APOOL: variants seen among roughly 807,000 people sequenced by gnomAD.
APOOL encodes the protein apolipoprotein O like.
In APOOL, 12 loss-of-function variants were observed where a neutral mutation model predicts 23.1. The observed-to-expected ratio is 0.52, with a 90% CI of 0.33 to 0.84. The LOEUF (loss-of-function observed/expected upper bound fraction) is 0.84. Among genes scored for constraint, APOOL ranks in the 40% least tolerant of loss-of-function variants. APOOL has a pLI of 0.02. For synonymous variants in APOOL, 77 were observed against 69.9 expected (o/e 1.10, Z -0.51); for missense variants, 212 against 199.6 (o/e 1.06, Z -0.37).
chrX:85,012,897 G>C (rs1921338161), intron 1 of APOOL, among the ~76,000 whole-genome samples: 1 of 111,555 alleles, frequency 9.0e-6, no homozygotes, highest in Non-Finnish European at 1.9e-5. Context: ...TTTATTTTTT[G>C]TAATAGTTTC....
rs1019709304 is a variant in APOOL at position 85,092,020 on chromosome X, A to G, written c.*4342A>G. 1 of 130,657 alleles carries G rather than the reference A, an allele frequency of 7.7e-6. No individual in the cohort carries two copies. The allele number at this position is 130,657 out of a possible 1,213,427, so 10.8% of individuals were successfully genotyped here. A position where few individuals can be genotyped will look rare whatever the true frequency, so the allele number is the denominator to read the frequency against. ...AGCAACATAGCAAGATCCTGCCTCT[A>G]AAAACAAACAAACAAAAAATGCTGC... On this transcript the variant is annotated 3_prime_UTR_variant, in exon 9 of 9. Transcript: ENST00000373173.
intron 4 of APOOL, among the ~76,000 whole-genome samples, chrX:85,054,599 C>A (rs1922898454): frequency 9.0e-6 from 1 of 110,654 alleles, no homozygotes; most frequent in South Asian, 3.8e-4. Context: ...CATTATTCAG[C>A]AGTTATTATT....
intron 1 of APOOL, among the ~76,000 whole-genome samples, chrX:85,034,666 G>A (rs1028303411): frequency 1.8e-5 from 2 of 111,517 alleles, no homozygotes; most frequent in East Asian, 2.8e-4. Context: ...CTATATGTCC[G>A]TGTGTACCAA....
chrX:85,068,889 A>T (rs1162627275), intron 6 of APOOL, among the ~76,000 whole-genome samples: 1 of 111,929 alleles, frequency 8.9e-6, no homozygotes, highest in South Asian at 3.7e-4. Context: ...ACATCTTCAC[A>T]TGCATACACA....
chrX:85,092,529 G>A lies in APOOL; in HGVS notation c.*4851G>A, dbSNP rs752447807. On this transcript the variant is annotated 3_prime_UTR_variant, in exon 9 of 9. Coordinates refer to ENST00000373173, the MANE Select transcript of APOOL (RefSeq NM_198450.6). ...CCTGGTTCCAAATGACGACAAGAAA[G>A]TGCATGCAGTTACATTGAGTTGTGA... The A allele has an allele frequency of 4.1e-6, 5 of 1,208,239 alleles. No homozygotes were observed. The African/African-American group carries it at 8.7e-5, about 21-fold the overall frequency.
At chrX:85,051,310 G>A in intron 2 of APOOL, 79 bp from the exon 3 acceptor site, 2 of 1,079,519 alleles carry the variant, frequency 1.9e-6, no homozygotes, top group Non-Finnish European at 2.5e-6. Context: ...AGGCTGATGA[G>A]GATTCCTGTT....
chrX:85,044,623 A>G (rs1389187311), intron 1 of APOOL, among the ~76,000 whole-genome samples: 1 of 110,968 alleles, frequency 9.0e-6, no homozygotes, highest in Non-Finnish European at 1.9e-5. Flanking sequence ...CTGCCTCCTC[A>G]ATAAAAGTCA....
rs1879555181 is a variant in APOOL, at chrX:85,051,241, G to C, written c.121-148G>C. ...ATAAACAGTTTACCACATCATTCCTGTATTTAAGATGGTTTTTTAAAAGTA... is the reference window on the plus strand; with the variant it reads ...ATAAACAGTTTACCACATCATTCCTCTATTTAAGATGGTTTTTTAAAAGTA... On this transcript the variant is annotated intron_variant, in intron 2 of 8. Transcript: ENST00000373173. 9.8e-6 allele frequency: 6 copies of C among 611,516 alleles called. No homozygotes were observed. In the South Asian group the frequency reaches 2.0e-4, roughly 20 times the overall value. 50.4% of individuals were successfully genotyped at this position (611,516 alleles called of 1,213,427 possible). A position where few individuals can be genotyped will look rare whatever the true frequency, so the allele number is the denominator to read the frequency against.
chrX:85,078,104 T>C (rs1488192800), intron 8 of APOOL, among the ~76,000 whole-genome samples: 1 of 112,008 alleles, frequency 8.9e-6, no homozygotes, highest in African/African-American at 3.2e-5. Flanking sequence ...TTAGATCCCA[T>C]TTGTCAATTT....
intron 1 of APOOL, among the ~76,000 whole-genome samples, chrX:85,027,650 T>A (rs911656485): frequency 8.9e-6 from 1 of 111,988 alleles, no homozygotes; most frequent in Admixed American, 9.5e-5. Flanking sequence ...TCTGCCAATA[T>A]CTGCCTTAAT....
At chrX:85,039,106 T>A (rs1891145852) in intron 1 of APOOL, among the ~76,000 whole-genome samples, 1 of 111,491 alleles carries the variant, frequency 9.0e-6, no homozygotes, top group African/African-American at 3.3e-5. Context: ...TGTTGTATCT[T>A]TGTTTTCATT....
chrX:85,036,112 T>C (rs911477579), intron 1 of APOOL, among the ~76,000 whole-genome samples: 1 of 112,404 alleles, frequency 8.9e-6, no homozygotes, highest in Non-Finnish European at 1.9e-5. Flanking sequence ...TCCATGAGCA[T>C]GGAATGTTTT....
chrX:85,038,235 TG>T (rs1159559867), intron 1 of APOOL, among the ~76,000 whole-genome samples: 2 of 111,764 alleles, frequency 1.8e-5, no homozygotes, highest in African/African-American at 6.5e-5. Context: ...TTCTTGGTCG[TG>T]GTGTTTTCCT....
chrX:85,084,181 G>GC (rs1345477573), intron 8 of APOOL, among the ~76,000 whole-genome samples: 2 of 100,488 alleles, frequency 2.0e-5, no homozygotes, highest in African/African-American at 7.5e-5. Context: ...TGTCACCCAG[G>GC]CTGGAGTGCA....
chrX:85,017,669 C>T (rs1261111314), intron 1 of APOOL, among the ~76,000 whole-genome samples: 1 of 111,661 alleles, frequency 9.0e-6, no homozygotes, highest in Non-Finnish European at 1.9e-5. Context: ...TTAGGGATGG[C>T]TTCCCTGGGC....
chrX:85,058,946 A>G (rs998440901), intron 5 of APOOL, among the ~76,000 whole-genome samples: 2 of 109,515 alleles, frequency 1.8e-5, no homozygotes, highest in African/African-American at 6.6e-5. Context: ...TTACATATGT[A>G]TACATGTGCC....
intron 1 of APOOL, among the ~76,000 whole-genome samples, chrX:85,021,456 G>A (rs1294727170): frequency 4.6e-5 from 5 of 109,437 alleles, no homozygotes; most frequent in Non-Finnish European, 9.5e-5. Flanking sequence ...CTCCATGCTG[G>A]CCCCAGGCTC....
intron 1 of APOOL, among the ~76,000 whole-genome samples, chrX:85,037,195 A>G (rs1042431754): frequency 9.0e-6 from 1 of 111,398 alleles, no homozygotes; most frequent in Non-Finnish European, 1.9e-5. Context: ...TCTTTTTCAA[A>G]TCTGGAGGCA....
intron 1 of APOOL, among the ~76,000 whole-genome samples, chrX:85,004,641 T>C (rs1469306798): frequency 8.9e-6 from 1 of 111,829 alleles, no homozygotes; most frequent in Non-Finnish European, 1.9e-5. Flanking sequence ...TCCGCTGAAG[T>C]TTTAAGTCGG....
Sources: allele counts gnomAD v4.1 joint callset (sites outside exome capture counted in the v4.1 genomes callset), GRCh38; gene constraint gnomAD v4.1.1; transcripts MANE v1.5; gene names NCBI Gene and HGNC (gene_info 2026-07-23, HGNC 2026-07-21).